Variants in CCDC178 observed in about 807,000 individuals in gnomAD.
The protein encoded by CCDC178 is coiled-coil domain containing 178, also known as coiled-coil domain-containing protein 178.
Under a neutral mutation model 117.4 loss-of-function variants are expected in CCDC178, and 126 were observed. That is an observed-to-expected ratio of 1.07 (90% CI 0.93 to 1.24). The LOEUF (loss-of-function observed/expected upper bound fraction) is 1.24. Among genes scored for constraint, CCDC178 ranks in the 50% most tolerant of loss-of-function variants. CCDC178 has a pLI of 0.00. For missense variants in CCDC178, 1,030 were observed against 986.9 expected, an observed-to-expected ratio of 1.04 and a Z score of -0.59; for synonymous variants, 283 against 313.4, an observed-to-expected ratio of 0.90 and a Z score of 1.02.
At chr18:33,377,024 A>G (rs1220231146) in intron 5 of CCDC178, among the ~76,000 whole-genome samples, 2 of 152,162 alleles carry the variant, frequency 1.3e-5, no homozygotes, top group African/African-American at 4.8e-5. Context: ...GACAAATCTC[A>G]AAACTGCTTT....
At chr18:32,980,640 C>T (rs1168835095) in intron 21 of CCDC178, among the ~76,000 whole-genome samples, 2 of 138,340 alleles carry the variant, frequency 1.4e-5, no homozygotes, top group Non-Finnish European at 3.1e-5. Flanking sequence ...ACCAGAAAAA[C>T]ATGGGCAAAT....
At chr18:33,258,887 A>G (rs2059710500) in intron 14 of CCDC178, among the ~76,000 whole-genome samples, 1 of 152,150 alleles carries the variant, frequency 6.6e-6, no homozygotes, top group African/African-American at 2.4e-5. Flanking sequence ...ATTAATCTCT[A>G]TATTATTTTA....
At chr18:33,001,226 A>G (rs762461848) in intron 21 of CCDC178, among the ~76,000 whole-genome samples, 2 of 152,184 alleles carry the variant, frequency 1.3e-5, no homozygotes, top group African/African-American at 4.8e-5. Flanking sequence ...GTACATAGAA[A>G]TAAAAAGCAG....
intron 8 of CCDC178, among the ~76,000 whole-genome samples, chr18:33,347,330 T>A (rs1236842198): frequency 1.3e-5 from 2 of 152,158 alleles, no homozygotes; most frequent in African/African-American, 2.4e-5. Flanking sequence ...AAGACAATGA[T>A]TTTCTGCTAG....
chr18:33,107,023 G>C (rs2057715982), intron 20 of CCDC178, among the ~76,000 whole-genome samples: 1 of 151,612 alleles, frequency 6.6e-6, no homozygotes, highest in Admixed American at 6.6e-5. Context: ...AAATGAGCAA[G>C]GAAACAGATG....
At chr18:33,096,112 C>A (rs909075472) in intron 20 of CCDC178, among the ~76,000 whole-genome samples, 1 of 142,222 alleles carries the variant, frequency 7.0e-6, no homozygotes, top group South Asian at 2.1e-4. Flanking sequence ...TAGTTCTACT[C>A]CCCACCCCCC....
At chr18:33,257,808 G>A (rs1299878663) in intron 14 of CCDC178, among the ~76,000 whole-genome samples, 3 of 151,668 alleles carry the variant, frequency 2.0e-5, no homozygotes, top group Non-Finnish European at 4.4e-5. Context: ...CTCATCACTG[G>A]GCTGTAAACC....
chr18:33,043,136 T>C (rs1306603850), intron 21 of CCDC178, among the ~76,000 whole-genome samples: 3 of 152,036 alleles, frequency 2.0e-5, no homozygotes, highest in Admixed American at 6.6e-5. Context: ...AAGTTATAAA[T>C]ATGCATGTAG....
chr18:33,306,116 G>A (rs937802348), intron 11 of CCDC178, among the ~76,000 whole-genome samples: 10 of 151,908 alleles, frequency 6.6e-5, no homozygotes, highest in South Asian at 2.1e-4. Flanking sequence ...TAAGTTGCTC[G>A]TCCTAAGACT....
rs1185008655 is a variant in CCDC178 at position 33,080,500 on chromosome 18, C to T, written c.2388+12261G>A. 3.3e-5 allele frequency among the ~76,000 whole-genome samples: 5 copies of T among 151,956 alleles called. No homozygotes were observed. The East Asian group carries it at 5.8e-4, about 18-fold the overall frequency. On this transcript the variant is annotated intron_variant, in intron 21 of 22. Transcript: ENST00000383096. ...TGTATTGACACAGGAAAAAGATGGCCCCCTACAAGCAATGTGGGGCTGGAA... is the reference window on the plus strand; with the variant it reads ...TGTATTGACACAGGAAAAAGATGGCTCCCTACAAGCAATGTGGGGCTGGAA...
rs1178716256 is a variant in CCDC178, at chr18:33,073,537, ATC to A, written c.2388+19222_2388+19223del. The stretch of plus-strand genomic sequence containing the variant: ...TATCTATCTATCTATCTATCTATCT[ATC>A]TATCTATCTATCTATATATATATCT... On this transcript the variant is annotated intron_variant, in intron 21 of 22. Transcript: ENST00000383096. Among the ~76,000 whole-genome samples the A allele has an allele frequency of 1.2e-3, 185 of 149,748 alleles. 1 individual carries two copies. The highest frequency in any genetic ancestry group is 2.8e-3 in the African/African-American group (111 of 39,922).
At chr18:33,235,049 G>A (rs1457032841) in intron 15 of CCDC178, among the ~76,000 whole-genome samples, 1 of 152,104 alleles carries the variant, frequency 6.6e-6, no homozygotes, top group Admixed American at 6.5e-5. Context: ...AGAAACTTTT[G>A]AGAAGGTTCT....
chr18:33,214,074 G>A (rs1038592266), intron 19 of CCDC178, among the ~76,000 whole-genome samples: 4 of 152,112 alleles, frequency 2.6e-5, no homozygotes, highest in African/African-American at 9.6e-5. Context: ...AGTTGAAAGG[G>A]CACACACTTG....
intron 11 of CCDC178, among the ~76,000 whole-genome samples, chr18:33,298,380 T>C (rs919198270): frequency 6.6e-6 from 1 of 152,172 alleles, no homozygotes; most frequent in Non-Finnish European, 1.5e-5. Context: ...AAAAGCCATA[T>C]GATCATCTCA....
intron 20 of CCDC178, among the ~76,000 whole-genome samples, chr18:33,207,183 A>G (rs776666849): frequency 2.0e-5 from 3 of 152,162 alleles, no homozygotes; most frequent in Non-Finnish European, 2.9e-5. Context: ...GAAATGCCCC[A>G]TGCAATTTAA....
chr18:33,363,234 A>G (rs1484076289), intron 6 of CCDC178, among the ~76,000 whole-genome samples: 1 of 152,036 alleles, frequency 6.6e-6, no homozygotes, highest in African/African-American at 2.4e-5. Context: ...TGGGGCATGG[A>G]AGTAAACCAA....
At position 32,974,687 on chromosome 18, in the gene CCDC178, G is replaced by A; in HGVS notation, c.2389-6C>T. The A allele has an allele frequency of 6.2e-7, 1 of 1,611,900 alleles. No individual in the cohort carries two copies. Among genetic ancestry groups the A allele is most frequent in the Admixed American group, 1.7e-5 (1 of 59,856 alleles). ...CTTCTCTGCAGCTGACAGAGCTAAA[G>A]GGAAGAGGGAGGGGAGAAAACACAA... On this transcript the variant is annotated splice_polypyrimidine_tract_variant and splice_region_variant and intron_variant, in intron 21 of 22. Transcript: ENST00000383096.
intron 21 of CCDC178, among the ~76,000 whole-genome samples, chr18:33,021,889 T>C (rs565236466): frequency 6.6e-5 from 10 of 152,200 alleles, no homozygotes; most frequent in Non-Finnish European, 1.3e-4. Flanking sequence ...CTTTTCTCTC[T>C]CTCTCTCTGT....
intron 20 of CCDC178, among the ~76,000 whole-genome samples, chr18:33,137,136 A>G (rs920557757): frequency 6.6e-6 from 1 of 152,208 alleles, no homozygotes; most frequent in African/African-American, 2.4e-5. Flanking sequence ...AAATATTCCT[A>G]CTTCCACTCC....
Sources: allele counts gnomAD v4.1 joint callset (sites outside exome capture counted in the v4.1 genomes callset), GRCh38; gene constraint gnomAD v4.1.1; transcripts MANE v1.5; gene names NCBI Gene and HGNC (gene_info 2026-07-23, HGNC 2026-07-21).